The following ANKRD6 variants were observed in gnomAD, a reference collection of about 807,000 sequenced individuals.
ANKRD6 encodes ankyrin repeat domain 6, also known as ankyrin repeat domain-containing protein 6.
Under a neutral mutation model 82.3 loss-of-function variants are expected in ANKRD6, and 56 were observed. The ratio of observed to expected loss-of-function variants is 0.68; its 90% confidence interval spans 0.55 to 0.85. The LOEUF (loss-of-function observed/expected upper bound fraction) is 0.85. Ranked by LOEUF, ANKRD6 falls within the 40% of genes least tolerant of loss-of-function variation. The probability of loss-of-function intolerance (pLI) is 0.00; values close to 1 mark genes in which losing one functional copy is unlikely to be tolerated. For synonymous variants in ANKRD6, 347 were observed against 352.1 expected, an observed-to-expected ratio of 0.99 and a Z score of 0.16; for missense variants, 852 against 907.6, an observed-to-expected ratio of 0.94 and a Z score of 0.79.
At chr6:89,434,088 A>C (rs559611403) in intron 1 of ANKRD6, among the ~76,000 whole-genome samples, 1 of 152,210 alleles carries the variant, frequency 6.6e-6, no homozygotes, top group African/African-American at 2.4e-5. Flanking sequence ...GCGAGGTAGC[A>C]TGAGATGGGT....
chr6:89,436,955 C>T (rs1223559422), intron 1 of ANKRD6, among the ~76,000 whole-genome samples: 1 of 152,076 alleles, frequency 6.6e-6, no homozygotes, highest in Non-Finnish European at 1.5e-5. Flanking sequence ...TGGTGGGTTC[C>T]TTTATAAACC....
chr6:89,622,082 A>G, intron 10 of ANKRD6, 56 bp downstream of exon 10: 1 of 1,524,082 alleles, frequency 6.6e-7, no homozygotes, highest in Non-Finnish European at 9.0e-7. Flanking sequence ...AGGGTGGGAA[A>G]CTATCTCCCT....
chr6:89,573,619 G>T (rs1373011860), intron 2 of ANKRD6, among the ~76,000 whole-genome samples: 1 of 152,180 alleles, frequency 6.6e-6, no homozygotes, highest in Non-Finnish European at 1.5e-5. Flanking sequence ...TTCTTCCTAA[G>T]AAAGGGAATA....
intron 1 of ANKRD6, among the ~76,000 whole-genome samples, chr6:89,479,466 ATCT>A (rs1359359088): frequency 6.6e-6 from 1 of 152,116 alleles, no homozygotes; most frequent in African/African-American, 2.4e-5. Context: ...TCATTGAATC[ATCT>A]TCTTTTATTG....
chr6:89,483,977 G>A (rs1033306321), intron 1 of ANKRD6, among the ~76,000 whole-genome samples: 1 of 152,246 alleles, frequency 6.6e-6, no homozygotes, highest in African/African-American at 2.4e-5. Context: ...GTGCAGTGGT[G>A]CAATCTTGGC....
chr6:89,624,295 A>AG (rs1414154803), intron 12 of ANKRD6, among the ~76,000 whole-genome samples: 2 of 152,176 alleles, frequency 1.3e-5, no homozygotes, highest in African/African-American at 4.8e-5. Flanking sequence ...GTGACTAGGT[A>AG]TCTTGAGGCC....
At chr6:89,580,501 C>T (rs1172981708) in intron 2 of ANKRD6, among the ~76,000 whole-genome samples, 2 of 152,096 alleles carry the variant, frequency 1.3e-5, no homozygotes, top group African/African-American at 2.4e-5. Context: ...CCGGCAGCCA[C>T]TTTCAAGAGA....
intron 1 of ANKRD6, among the ~76,000 whole-genome samples, chr6:89,481,764 G>A (rs148469542): frequency 0.014 from 2,060 of 152,220 alleles, 50 homozygotes; most frequent in African/African-American, 0.046. Flanking sequence ...TGGTGGTACT[G>A]CTGCTGGTGG....
In ANKRD6 at chr6:89,629,241, A is replaced by G. The variant is rs1401578346; in HGVS notation, c.1612+3A>G. ...ATCTACTTGTGAGTCCTCTACAGGT[A>G]ACCCACACACAGAGAGCCCTTTTGT... On this transcript the variant is annotated splice_donor_region_variant and intron_variant, in intron 15 of 15. Coordinates refer to ENST00000339746, the MANE Select transcript of ANKRD6 (RefSeq NM_001242809.2). The G allele has an allele frequency of 4.3e-6, 7 of 1,613,868 alleles. No homozygotes were observed. The highest frequency in any genetic ancestry group is 5.9e-6 in the Non-Finnish European group (7 of 1,179,834).
At chr6:89,500,726 A>G (rs1779168541) in intron 1 of ANKRD6, among the ~76,000 whole-genome samples, 1 of 152,180 alleles carries the variant, frequency 6.6e-6, no homozygotes, top group Admixed American at 6.5e-5. Context: ...AATAGCTACA[A>G]CAAAGTTAAT....
intron 1 of ANKRD6, among the ~76,000 whole-genome samples, chr6:89,520,314 C>T (rs374068322): frequency 2.6e-5 from 4 of 152,210 alleles, no homozygotes; most frequent in Non-Finnish European, 4.4e-5. Flanking sequence ...AAAAGCCCTG[C>T]AACCTACAGC....
At chr6:89,562,218 C>T (rs1355365536) in intron 1 of ANKRD6, among the ~76,000 whole-genome samples, 1 of 152,214 alleles carries the variant, frequency 6.6e-6, no homozygotes, top group Non-Finnish European at 1.5e-5. Context: ...TGTTTACTCC[C>T]TTCCCCCTCC....
chr6:89,575,124 T>C (rs1452373425), intron 2 of ANKRD6, among the ~76,000 whole-genome samples: 1 of 152,186 alleles, frequency 6.6e-6, no homozygotes, highest in African/African-American at 2.4e-5. Context: ...GCCTTCTAGG[T>C]ATGAGGCAGG....
chr6:89,556,546 C>T (rs952144402), intron 1 of ANKRD6, among the ~76,000 whole-genome samples: 1 of 152,204 alleles, frequency 6.6e-6, no homozygotes, highest in African/African-American at 2.4e-5. Context: ...AAGCTGAAAC[C>T]TGCTTTACCT....
intron 14 of ANKRD6, chr6:89,628,807 G>A: frequency 6.9e-6 from 2 of 290,602 alleles, no homozygotes; most frequent in Non-Finnish European, 1.3e-5. Context: ...AAAACTAATA[G>A]AGCAAGAACT....
intron 1 of ANKRD6, among the ~76,000 whole-genome samples, chr6:89,527,368 TG>T (rs1463383375): frequency 4.0e-5 from 6 of 151,166 alleles, no homozygotes; most frequent in Middle Eastern, 3.2e-3. Flanking sequence ...GTGAGGAGGG[TG>T]GATCACCTGA....
chr6:89,573,002 C>G (rs1583379915), intron 2 of ANKRD6, among the ~76,000 whole-genome samples: 1 of 152,068 alleles, frequency 6.6e-6, no homozygotes, highest in African/African-American at 2.4e-5. Context: ...GCTTTGTCTC[C>G]CAGGCTGGAG....
At chr6:89,548,666 T>A (rs545944902) in intron 1 of ANKRD6, among the ~76,000 whole-genome samples, 159 of 152,352 alleles carry the variant, frequency 1.0e-3, no homozygotes, top group African/African-American at 3.6e-3. Context: ...GGCAGTGCTG[T>A]AGAAGCCCAG....
chr6:89,436,886 G>A (rs1770700458), intron 1 of ANKRD6, among the ~76,000 whole-genome samples: 1 of 152,176 alleles, frequency 6.6e-6, no homozygotes, highest in Non-Finnish European at 1.5e-5. Flanking sequence ...CAAGGGGGAA[G>A]AGATGGAAGA....
Sources: allele counts gnomAD v4.1 joint callset (sites outside exome capture counted in the v4.1 genomes callset), GRCh38; gene constraint gnomAD v4.1.1; transcripts MANE v1.5; gene names NCBI Gene and HGNC (gene_info 2026-07-23, HGNC 2026-07-21).